GALNT10: variants seen among roughly 807,000 people sequenced by gnomAD.
The protein encoded by GALNT10 is GalNAc transferase 10.
GALNT10 carries 41 observed loss-of-function variants against 75.0 expected under a neutral mutation model. The ratio of observed to expected loss-of-function variants is 0.55; its 90% CI spans 0.43 to 0.71. GALNT10 has a LOEUF of 0.71. GALNT10 is among the 30% of genes least tolerant of loss of function. The probability of loss-of-function intolerance (pLI) is 0.00; values close to 1 mark genes in which losing one functional copy is unlikely to be tolerated. For synonymous variants in GALNT10, 302 were observed against 313.0 expected, an observed-to-expected ratio of 0.96 and a Z score of 0.37; for missense variants, 727 against 818.5, an observed-to-expected ratio of 0.89 and a Z score of 1.36.
intron 3 of GALNT10, among the ~76,000 whole-genome samples, chr5:154,326,042 T>C (rs1003994046): frequency 7.9e-5 from 12 of 151,596 alleles, no homozygotes; most frequent in African/African-American, 2.9e-4. Context: ...AAAATTAATA[T>C]ACAAAAATCA....
chr5:154,330,278 A>C (rs1289366397), intron 4 of GALNT10, among the ~76,000 whole-genome samples: 1 of 152,256 alleles, frequency 6.6e-6, no homozygotes, highest in Admixed American at 6.5e-5. Context: ...GTAGACTCTC[A>C]GCCAGATCTC....
intron 4 of GALNT10, among the ~76,000 whole-genome samples, chr5:154,334,369 A>G (rs993782452): frequency 2.6e-5 from 4 of 152,216 alleles, no homozygotes; most frequent in Admixed American, 2.6e-4. Context: ...AGCTCTTCAA[A>G]TGCATGAGCT....
At chr5:154,381,257 G>T (rs997167850) in intron 6 of GALNT10, among the ~76,000 whole-genome samples, 1 of 152,186 alleles carries the variant, frequency 6.6e-6, no homozygotes, top group African/African-American at 2.4e-5. Flanking sequence ...GAATGTGAAG[G>T]CTGGAAGGAA....
chr5:154,263,191 G>A (rs182195495), intron 1 of GALNT10, among the ~76,000 whole-genome samples: 154 of 152,276 alleles, frequency 1.0e-3, no homozygotes, highest in Non-Finnish European at 1.9e-3. Flanking sequence ...AGAAAAACTT[G>A]TACATGAGTG....
intron 1 of GALNT10, chr5:154,287,657 G>A (rs1754132099): frequency 6.6e-6 from 1 of 152,152 alleles, no homozygotes; most frequent in Admixed American, 6.5e-5. Flanking sequence ...GGAGGCCATG[G>A]ACTACCTTGT....
At chr5:154,293,611 A>ATTTTTTTTTTTTTTTTTTTTTTT (rs912343114) in intron 1 of GALNT10, among the ~76,000 whole-genome samples, 21 of 96,692 alleles carry the variant, frequency 2.2e-4, no homozygotes, top group Non-Finnish European at 3.9e-4. Context: ...ATATATATAT[A>ATTTTTTTTTTTTTTTTTTTTTTT]TATTTTTTTT....
At chr5:154,194,072 G>A (rs77872628) in intron 1 of GALNT10, among the ~76,000 whole-genome samples, 15 of 152,196 alleles carry the variant, frequency 9.9e-5, no homozygotes, top group Admixed American at 9.8e-4. Flanking sequence ...CATATTCCAG[G>A]TTTGGGACAG....
Position 154,414,600 on chromosome 5 carries a change from G to A in GALNT10, c.1504-1183G>A, listed in dbSNP as rs75986973. On this transcript the variant is annotated intron_variant, in intron 10 of 11. Coordinates refer to ENST00000297107, the MANE Select transcript of GALNT10 (RefSeq NM_198321.4). ...ACATGGGGGTTGGTGGGGACAGGAG[G>A]AGGAGATTACAGAGGAGCATGAGGA... Among the ~76,000 whole-genome samples the A allele has an allele frequency of 8.3e-3, 1,262 of 152,070 alleles. 21 individuals are homozygous for A. Among genetic ancestry groups the A allele is most frequent in the African/African-American group, 0.029 (1,195 of 41,468 alleles).
At chr5:154,351,973 C>T (rs1432647504) in intron 4 of GALNT10, among the ~76,000 whole-genome samples, 3 of 152,172 alleles carry the variant, frequency 2.0e-5, no homozygotes, top group African/African-American at 7.2e-5. Context: ...TTTGCAACAA[C>T]CCCAACAGGA....
At chr5:154,281,200 C>T (rs146038221) in intron 1 of GALNT10, among the ~76,000 whole-genome samples, 272 of 152,270 alleles carry the variant, frequency 1.8e-3, no homozygotes, top group African/African-American at 6.2e-3. Flanking sequence ...ATAAACATGA[C>T]ATATCTCTCC....
chr5:154,283,234 A>G (rs1297932545), intron 1 of GALNT10, among the ~76,000 whole-genome samples: 2 of 144,732 alleles, frequency 1.4e-5, no homozygotes, highest in Non-Finnish European at 3.0e-5. Context: ...ACCTAAGGCC[A>G]GGAGGTTGAG....
At chr5:154,280,975 TCCTTA>T (rs1373072726) in intron 1 of GALNT10, among the ~76,000 whole-genome samples, 1 of 152,226 alleles carries the variant, frequency 6.6e-6, no homozygotes, top group African/African-American at 2.4e-5. Context: ...CACATATCTG[TCCTTA>T]CCTTAGGGCC....
chr5:154,330,489 A>C (rs1754839021), intron 4 of GALNT10, among the ~76,000 whole-genome samples: 1 of 152,204 alleles, frequency 6.6e-6, no homozygotes, highest in Admixed American at 6.5e-5. Flanking sequence ...TTGGTCACAC[A>C]GCTCTCATGT....
intron 10 of GALNT10, among the ~76,000 whole-genome samples, 163 bp from the exon 11 acceptor site, chr5:154,415,620 G>A (rs980135852): frequency 5.9e-5 from 9 of 152,132 alleles, no homozygotes; most frequent in South Asian, 2.1e-4. Flanking sequence ...GTGAGCCACC[G>A]CACCTGGCCA....
At chr5:154,253,046 G>T (rs190217902) in intron 1 of GALNT10, among the ~76,000 whole-genome samples, 88 of 135,180 alleles carry the variant, frequency 6.5e-4, no homozygotes, top group African/African-American at 2.1e-3. Context: ...TTGTGAAATG[G>T]TTTTTTTTCT....
In GALNT10 at chr5:154,417,007, T is replaced by G; in HGVS notation, c.*35T>G. The G allele has an allele frequency of 6.3e-7, 1 of 1,598,670 alleles. No individual in the cohort carries two copies. The highest frequency in any genetic ancestry group is 8.6e-7 in the Non-Finnish European group (1 of 1,166,882). On this transcript the variant is annotated 3_prime_UTR_variant, in exon 12 of 12. Coordinates refer to ENST00000297107, the MANE Select transcript of GALNT10 (RefSeq NM_198321.4). ...TCCCCTTGGCAGGCCCCCCAGGGTC[T>G]GGCACTCACTGCAGACTTCCTCTTT... is the stretch of plus-strand genomic sequence containing the variant.
At chr5:154,329,027 A>G (rs1223110278) in intron 3 of GALNT10, among the ~76,000 whole-genome samples, 1 of 152,018 alleles carries the variant, frequency 6.6e-6, no homozygotes, top group Non-Finnish European at 1.5e-5. Context: ...CTTTCTGGTG[A>G]CCACCCCGCC....
chr5:154,350,063 A>C lies in GALNT10; in HGVS notation c.568+20325A>C, dbSNP rs183598325. On this transcript the variant is annotated intron_variant, in intron 4 of 11. Coordinates refer to ENST00000297107, the MANE Select transcript of GALNT10 (RefSeq NM_198321.4). ...AGATCATCACAGAAAATTCTGTCGG[A>C]CAGCCCTACTCTAGAGACAAGTGTG... 2.6e-3 allele frequency among the ~76,000 whole-genome samples: 403 copies of C among 152,366 alleles called. 2 individuals carry two copies. Among genetic ancestry groups the C allele is most frequent in the African/African-American group, 9.3e-3 (386 of 41,582 alleles).
intron 1 of GALNT10, among the ~76,000 whole-genome samples, chr5:154,272,564 C>T (rs970206111): frequency 2.0e-5 from 3 of 152,160 alleles, no homozygotes; most frequent in Non-Finnish European, 4.4e-5. Context: ...ACATCAGAGG[C>T]CTGGGGGTCA....
Sources: gnomAD v4.1 joint callset for allele counts (sites outside exome capture counted in the v4.1 genomes callset) on GRCh38, gnomAD v4.1.1 for gene constraint, MANE v1.5 for transcripts, NCBI Gene and HGNC (gene_info 2026-07-23, HGNC 2026-07-21) for gene names.